BAIAP2L1: variants seen among roughly 807,000 people sequenced by gnomAD.
The protein encoded by BAIAP2L1 is BAR/IMD domain-containing adapter protein 2-like 1.
BAIAP2L1 carries 35 observed loss-of-function variants against 66.3 expected under a neutral mutation model. That is an observed-to-expected ratio of 0.53 (90% confidence interval 0.40 to 0.70). The LOEUF is 0.70. BAIAP2L1 is among the 30% of genes least tolerant of loss of function. The pLI is 0.00. For synonymous variants in BAIAP2L1, 269 were observed against 248.7 expected, an observed-to-expected ratio of 1.08 and a Z score of -0.77; for missense variants, 622 against 656.9, an observed-to-expected ratio of 0.95 and a Z score of 0.58.
chr7:98,384,389 C>G (rs1802835439), intron 1 of BAIAP2L1, among the ~76,000 whole-genome samples: 1 of 152,136 alleles, frequency 6.6e-6, no homozygotes, highest in Admixed American at 6.6e-5. Flanking sequence ...AAGATACATA[C>G]TTTGAAGACC....
intron 1 of BAIAP2L1, among the ~76,000 whole-genome samples, chr7:98,380,382 C>G (rs966040315): frequency 1.3e-5 from 2 of 152,024 alleles, no homozygotes; most frequent in African/African-American, 4.8e-5. Flanking sequence ...CATGGCTGGT[C>G]TCAGAATCAT....
At chr7:98,400,686 GA>G in intron 1 of BAIAP2L1, 115 bp downstream of exon 1, 1 of 1,221,188 alleles carries the variant, frequency 8.2e-7, no homozygotes, top group South Asian at 1.3e-5. Flanking sequence ...GGGAGAGGTG[GA>G]AGGACGCGGG....
At chr7:98,357,049 A>ATT (rs750965128) in intron 2 of BAIAP2L1, among the ~76,000 whole-genome samples, 137 of 12,632 alleles carry the variant, frequency 0.011, 8 homozygotes, top group South Asian at 0.016. Flanking sequence ...ATATATATAT[A>ATT]TTTTTTTTTT....
At chr7:98,309,808 A>G (rs1258802909) in intron 9 of BAIAP2L1, 1 of 153,004 alleles carries the variant, frequency 6.5e-6, no homozygotes, top group South Asian at 2.1e-4. Flanking sequence ...ACTGTGCAGA[A>G]GGACGGGGTC....
At position 98,400,865 on chromosome 7, in the gene BAIAP2L1, C is replaced by G; in HGVS notation, c.-13G>C. 1 of 1,536,560 alleles carries G rather than the reference C, an allele frequency of 6.5e-7. No homozygotes were observed. Among genetic ancestry groups the G allele is most frequent in the South Asian group, 1.2e-5 (1 of 83,280 alleles). ...GCCCCCGGGACATGGCTGCGGCCGC[C>G]GGGCGAGCAAGCGCGGGAGGACGCG... On this transcript the variant is annotated 5_prime_UTR_variant, in exon 1 of 14. Coordinates refer to ENST00000005260, the MANE Select transcript of BAIAP2L1 (RefSeq NM_018842.5).
At position 98,293,382 on chromosome 7, in the gene BAIAP2L1, A is replaced by G; in HGVS notation, c.*139T>C. On this transcript the variant is annotated 3_prime_UTR_variant, in exon 14 of 14. Transcript: ENST00000005260. ...ACCCAACTACGTGAAACAGAGAAGC[A>G]TGATTTGCTTAAGCAGGCGACATTA... The G allele has an allele frequency of 2.6e-6, 2 of 759,610 alleles. No homozygotes were observed. The highest frequency in any genetic ancestry group is 5.0e-5 in the East Asian group (2 of 40,076). The allele number at this position is 759,610 out of a possible 1,614,324, so 47.1% of individuals were successfully genotyped here.
At chr7:98,325,947 G>A (rs906766955) in intron 3 of BAIAP2L1, among the ~76,000 whole-genome samples, 1 of 152,202 alleles carries the variant, frequency 6.6e-6, no homozygotes, top group African/African-American at 2.4e-5. Context: ...TGCAGTCCCT[G>A]GACGCAGTTG....
At chr7:98,367,188 A>T (rs1325152164) in intron 1 of BAIAP2L1, among the ~76,000 whole-genome samples, 1 of 152,066 alleles carries the variant, frequency 6.6e-6, no homozygotes, top group Non-Finnish European at 1.5e-5. Context: ...TAAGACTCAT[A>T]AGAGTTGTAA....
chr7:98,366,790 CCT>C (rs1802397633), intron 1 of BAIAP2L1, among the ~76,000 whole-genome samples: 1 of 152,244 alleles, frequency 6.6e-6, no homozygotes, highest in Non-Finnish European at 1.5e-5. Context: ...CCCCCACGAT[CCT>C]CTCTACAAGA....
intron 3 of BAIAP2L1, among the ~76,000 whole-genome samples, chr7:98,337,377 G>A (rs1013757140): frequency 1.8e-4 from 27 of 152,122 alleles, no homozygotes; most frequent in African/African-American, 5.6e-4. Flanking sequence ...GATTACAGGC[G>A]TGTGCCATCA....
Position 98,293,083 on chromosome 7 carries a change from C to A in BAIAP2L1, c.*438G>T. The A allele has an allele frequency of 1.7e-6, 1 of 580,722 alleles. No homozygotes were observed. The highest frequency in any genetic ancestry group is 2.3e-6 in the Non-Finnish European group (1 of 442,688). 36.0% of individuals were successfully genotyped at this position (580,722 alleles called of 1,614,324 possible). On this transcript the variant is annotated 3_prime_UTR_variant, in exon 14 of 14. Coordinates refer to ENST00000005260, the MANE Select transcript of BAIAP2L1 (RefSeq NM_018842.5). ...TATGATTTGCATGCTAAGATGCAAA[C>A]TTACGTGATATCTTCTTTAGACATA... is the stretch of plus-strand genomic sequence containing the variant.
At chr7:98,321,894 G>A (rs1055020063) in intron 3 of BAIAP2L1, among the ~76,000 whole-genome samples, 18 of 152,178 alleles carry the variant, frequency 1.2e-4, no homozygotes, top group African/African-American at 3.9e-4. Flanking sequence ...TAAGGAGTTC[G>A]AGACCATCCT....
In BAIAP2L1 at chr7:98,317,207, T is replaced by C. The variant is rs747990875; in HGVS notation, c.486+12A>G. ...ACAACAAAAGAAAACAAGATATTGT[T>C]GAAAAGCTCACCTCAATTTCTTTGT... On this transcript the variant is annotated intron_variant, in intron 6 of 13. Coordinates refer to ENST00000005260, the MANE Select transcript of BAIAP2L1 (RefSeq NM_018842.5). 6.2e-7 allele frequency: 1 copy of C among 1,614,126 alleles called. No individual in the cohort carries two copies. The highest frequency in any genetic ancestry group is 1.7e-5 in the Admixed American group (1 of 59,994).
chr7:98,309,984 G>C (rs1381232598), intron 9 of BAIAP2L1: 1 of 157,100 alleles, frequency 6.4e-6, no homozygotes, highest in Non-Finnish European at 1.4e-5. Context: ...CGAGTAGCTG[G>C]GATTACAGGC....
intron 1 of BAIAP2L1, among the ~76,000 whole-genome samples, chr7:98,363,027 C>CTTTT (rs71537235): frequency 4.6e-4 from 35 of 75,564 alleles, no homozygotes; most frequent in African/African-American, 9.5e-4. Context: ...GGCATTTTTT[C>CTTTT]TTTTTTTTTT....
chr7:98,316,903 A>G (rs553834555), intron 6 of BAIAP2L1, among the ~76,000 whole-genome samples: 1 of 151,016 alleles, frequency 6.6e-6, no homozygotes, highest in African/African-American at 2.4e-5. Context: ...TCATTCTGTC[A>G]CCCAGGCTGG....
intron 6 of BAIAP2L1, among the ~76,000 whole-genome samples, chr7:98,316,757 AAC>A (rs1490543549): frequency 2.0e-5 from 3 of 152,148 alleles, no homozygotes; most frequent in Non-Finnish European, 2.9e-5. Context: ...CCCATTAACC[AAC>A]CTCTCCTTCA....
intron 3 of BAIAP2L1, among the ~76,000 whole-genome samples, chr7:98,327,791 T>C (rs1005999608): frequency 1.3e-5 from 2 of 152,230 alleles, no homozygotes; most frequent in South Asian, 2.1e-4. Flanking sequence ...GATTTACTTA[T>C]TTCTTTTTAG....
intron 3 of BAIAP2L1, among the ~76,000 whole-genome samples, chr7:98,334,437 A>C (rs1192426489): frequency 6.6e-6 from 1 of 152,110 alleles, no homozygotes; most frequent in Non-Finnish European, 1.5e-5. Context: ...TTTTTTTAAT[A>C]ACTCAAAACC....
Sources: allele counts gnomAD v4.1 joint callset (sites outside exome capture counted in the v4.1 genomes callset), GRCh38; gene constraint gnomAD v4.1.1; transcripts MANE v1.5; gene names NCBI Gene and HGNC (gene_info 2026-07-23, HGNC 2026-07-21).